Variants in ANTXR1 observed in about 807,000 individuals in gnomAD.
ANTXR1 encodes the protein anthrax toxin receptor 1.
ANTXR1 carries 19 observed loss-of-function variants against 78.1 expected under a neutral mutation model. The ratio of observed to expected loss-of-function variants is 0.24; its 90% CI spans 0.17 to 0.36. The LOEUF (loss-of-function observed/expected upper bound fraction) is 0.36. Among genes scored for constraint, ANTXR1 ranks in the 10% least tolerant of loss-of-function variants. The probability of loss-of-function intolerance (pLI) is 1.00; values close to 1 mark genes in which losing one functional copy is unlikely to be tolerated. For synonymous variants in ANTXR1, 273 were observed against 260.5 expected (o/e 1.05, Z -0.46); for missense variants, 518 against 718.6 (o/e 0.72, Z 3.19).
intron 8 of ANTXR1, among the ~76,000 whole-genome samples, chr2:69,080,788 G>A (rs1039786569): frequency 3.3e-5 from 5 of 152,156 alleles, no homozygotes; most frequent in Non-Finnish European, 7.4e-5. Context: ...ACTGAAGGAC[G>A]TAATGGAGCC....
rs1437373925 is a variant in ANTXR1 at position 69,245,968 on chromosome 2, G to A, written c.*483G>A. Reference sequence around the variant, plus strand: ...ACCACCCAAGAAAGAGGAAAACTTTGCCTACAACTTTGGAAATGCTGGGGT... The same window carrying A: ...ACCACCCAAGAAAGAGGAAAACTTTACCTACAACTTTGGAAATGCTGGGGT... On this transcript the variant is annotated 3_prime_UTR_variant, in exon 18 of 18. Transcript: ENST00000303714. The A allele has an allele frequency of 1.3e-5, 2 of 153,844 alleles. No homozygotes were observed. The highest frequency in any genetic ancestry group is 4.8e-5 in the African/African-American group (2 of 41,452). The allele number at this position is 153,844 out of a possible 1,614,324, so 9.5% of individuals were successfully genotyped here.
At chr2:69,042,313 C>A (rs1669637305) in intron 2 of ANTXR1, among the ~76,000 whole-genome samples, 1 of 152,174 alleles carries the variant, frequency 6.6e-6, no homozygotes, top group South Asian at 2.1e-4. Context: ...AATAACCTCA[C>A]CTCCTACTTC....
intron 1 of ANTXR1, among the ~76,000 whole-genome samples, chr2:69,031,091 G>GC (rs1344852433): frequency 4.6e-5 from 7 of 152,082 alleles, no homozygotes; most frequent in Middle Eastern, 3.2e-3. Context: ...AGACCACATG[G>GC]CCCCCAGAAC....
At chr2:69,044,693 C>T (rs1192386774) in intron 2 of ANTXR1, 49 bp from the exon 3 acceptor site, 3 of 1,575,484 alleles carry the variant, frequency 1.9e-6, no homozygotes, top group African/African-American at 1.4e-5. Context: ...AAGGGAGTGG[C>T]ATGCGCAGTC....
At chr2:69,162,501 C>T (rs1442595029) in intron 13 of ANTXR1, among the ~76,000 whole-genome samples, 1 of 152,122 alleles carries the variant, frequency 6.6e-6, no homozygotes, top group Non-Finnish European at 1.5e-5. Flanking sequence ...CAAGAGGAAA[C>T]CTGAAACCTC....
At chr2:69,067,392 G>A (rs1490813572) in intron 3 of ANTXR1, among the ~76,000 whole-genome samples, 1 of 147,690 alleles carries the variant, frequency 6.8e-6, no homozygotes, top group African/African-American at 2.5e-5. Flanking sequence ...ACTTTATTTG[G>A]CAGGGAAAAA....
At chr2:69,027,339 G>A (rs1671374940) in intron 1 of ANTXR1, among the ~76,000 whole-genome samples, 2 of 152,180 alleles carry the variant, frequency 1.3e-5, no homozygotes, top group Non-Finnish European at 2.9e-5. Flanking sequence ...GGATGTACTG[G>A]GGATCAAGAT....
intron 8 of ANTXR1, among the ~76,000 whole-genome samples, chr2:69,086,889 A>C (rs1671068812): frequency 6.6e-6 from 1 of 152,220 alleles, no homozygotes; most frequent in Non-Finnish European, 1.5e-5. Flanking sequence ...ACATCTGTCT[A>C]GTTCTGTCTA....
At chr2:69,169,816 T>G (rs763923584) in intron 13 of ANTXR1, among the ~76,000 whole-genome samples, 3 of 152,250 alleles carry the variant, frequency 2.0e-5, no homozygotes, top group Non-Finnish European at 4.4e-5. Flanking sequence ...GGGTCCACGC[T>G]TGACACATCC....
chr2:69,100,052 C>G (rs1231507033), intron 9 of ANTXR1, among the ~76,000 whole-genome samples: 1 of 152,208 alleles, frequency 6.6e-6, no homozygotes, highest in African/African-American at 2.4e-5. Flanking sequence ...CCCTAAAGCC[C>G]TGCAATCTTG....
intron 8 of ANTXR1, among the ~76,000 whole-genome samples, chr2:69,081,097 G>A (rs573967926): frequency 2.3e-4 from 35 of 152,244 alleles, no homozygotes; most frequent in African/African-American, 7.7e-4. Context: ...CTCTATTAGC[G>A]CCTCTGCCAG....
intron 13 of ANTXR1, among the ~76,000 whole-genome samples, chr2:69,165,794 A>G (rs1300543606): frequency 1.3e-5 from 2 of 152,262 alleles, no homozygotes; most frequent in Admixed American, 6.5e-5. Context: ...TTAGCAAGTG[A>G]CAAACACAAC....
chr2:69,061,423 T>G (rs1222932605), intron 3 of ANTXR1, among the ~76,000 whole-genome samples: 1 of 151,122 alleles, frequency 6.6e-6, no homozygotes, highest in African/African-American at 2.4e-5. Context: ...TACTTCTCTG[T>G]AGAAATAAAT....
chr2:69,128,457 G>C (rs535667980), intron 12 of ANTXR1, among the ~76,000 whole-genome samples: 3 of 152,138 alleles, frequency 2.0e-5, no homozygotes, highest in African/African-American at 7.2e-5. Flanking sequence ...TAGAGAGCTG[G>C]CTCTTTAATT....
At chr2:69,150,665 T>C (rs1486810213) in intron 12 of ANTXR1, among the ~76,000 whole-genome samples, 2 of 91,522 alleles carry the variant, frequency 2.2e-5, no homozygotes, top group African/African-American at 6.2e-5. Flanking sequence ...GACATACATA[T>C]ACATAAATCC....
intron 12 of ANTXR1, among the ~76,000 whole-genome samples, chr2:69,149,050 C>T (rs1183862118): frequency 6.6e-6 from 1 of 152,244 alleles, no homozygotes; most frequent in East Asian, 1.9e-4. Flanking sequence ...ATCAAAAACT[C>T]ATGCCCTTCA....
intron 8 of ANTXR1, among the ~76,000 whole-genome samples, chr2:69,084,789 T>C (rs996398500): frequency 1.3e-5 from 2 of 151,626 alleles, no homozygotes; most frequent in Non-Finnish European, 2.9e-5. Context: ...TGGGGTAATG[T>C]CCATGGTTAA....
chr2:69,094,369 T>G (rs1256598749), intron 9 of ANTXR1, among the ~76,000 whole-genome samples: 1 of 152,188 alleles, frequency 6.6e-6, no homozygotes, highest in Non-Finnish European at 1.5e-5. Flanking sequence ...GAAAGAAAAT[T>G]GGGGAAGAGT....
chr2:69,190,066 A>G (rs183223226), intron 16 of ANTXR1, among the ~76,000 whole-genome samples: 37 of 152,274 alleles, frequency 2.4e-4, no homozygotes, highest in Admixed American at 2.1e-3. Flanking sequence ...AGAGGTGCCA[A>G]ATGAAGGCCA....
Sources: allele counts gnomAD v4.1 joint callset (sites outside exome capture counted in the v4.1 genomes callset), GRCh38; gene constraint gnomAD v4.1.1; transcripts MANE v1.5; gene names NCBI Gene and HGNC (gene_info 2026-07-23, HGNC 2026-07-21).